ANTXR1: variants seen among roughly 807,000 people sequenced by gnomAD.
ANTXR1 encodes ANTXR cell adhesion molecule 1, also known as anthrax toxin receptor 1.
ANTXR1 carries 19 observed loss-of-function variants against 78.1 expected under a neutral mutation model. The ratio of observed to expected loss-of-function variants is 0.24; its 90% CI spans 0.17 to 0.36. The LOEUF (loss-of-function observed/expected upper bound fraction) is 0.36. Among genes scored for constraint, ANTXR1 ranks in the 10% least tolerant of loss-of-function variants. The pLI is 1.00. For missense variants in ANTXR1, 518 were observed against 718.6 expected (o/e 0.72, Z 3.19); for synonymous variants, 273 against 260.5 (o/e 1.05, Z -0.46).
chr2:69,021,460 G>T (rs2103993102), intron 1 of ANTXR1, among the ~76,000 whole-genome samples: 1 of 152,320 alleles, frequency 6.6e-6, no homozygotes, highest in Non-Finnish European at 1.5e-5. Flanking sequence ...ATAGGAGTCA[G>T]CAGGGCTCTT....
intron 12 of ANTXR1, among the ~76,000 whole-genome samples, chr2:69,138,139 G>C (rs146238496): frequency 1.3e-5 from 2 of 151,874 alleles, no homozygotes; most frequent in African/African-American, 4.8e-5. Context: ...ATTGGTAGAG[G>C]GGGGAAGGAG....
At chr2:69,167,061 G>T (rs571539040) in intron 13 of ANTXR1, among the ~76,000 whole-genome samples, 67 of 152,146 alleles carry the variant, frequency 4.4e-4, no homozygotes, top group Non-Finnish European at 9.3e-4. Context: ...AGGAGGTAGC[G>T]AGCATTTGGG....
chr2:69,018,448 G>T (rs1177918922), intron 1 of ANTXR1, among the ~76,000 whole-genome samples: 1 of 152,154 alleles, frequency 6.6e-6, no homozygotes, highest in Non-Finnish European at 1.5e-5. Flanking sequence ...GTAGCATTAG[G>T]CTGGAAATTT....
chr2:69,102,167 A>G (rs2104317173), intron 9 of ANTXR1, among the ~76,000 whole-genome samples: 1 of 152,376 alleles, frequency 6.6e-6, no homozygotes, highest in Admixed American at 6.5e-5. Context: ...ATTCCTAAGT[A>G]CAATTATTCC....
intron 17 of ANTXR1, among the ~76,000 whole-genome samples, chr2:69,207,851 G>A (rs746678051): frequency 9.9e-5 from 15 of 152,142 alleles, no homozygotes; most frequent in South Asian, 2.1e-4. Context: ...ATTGAGCGAC[G>A]GAACAGATCT....
At chr2:69,102,805 G>T in intron 9 of ANTXR1, 37 bp from the exon 10 acceptor site, 2 of 1,584,786 alleles carry the variant, frequency 1.3e-6, no homozygotes, top group East Asian at 2.2e-5. Context: ...AAGGTTATTG[G>T]CCAAGTAACG....
rs1670919960 is a variant in ANTXR1 at position 69,013,340 on chromosome 2, C to T, written c.-160C>T. On this transcript the variant is annotated 5_prime_UTR_variant, in exon 1 of 18. Transcript: ENST00000303714. This position sits in a 1 kb window ranked among gnomAD's most constrained non-coding sequence, Gnocchi z 5.0. ...TCGGAGCGGAAACCAGAGGGGAAAC[C>T]TTGAACTCCTCCAGACAATTGCTTC... 1.0e-6 allele frequency: 1 copy of T among 999,674 alleles called. No homozygotes were observed. Among genetic ancestry groups the T allele is most frequent in the Non-Finnish European group, 1.5e-6 (1 of 669,168 alleles). 61.9% of individuals were successfully genotyped at this position (999,674 alleles called of 1,614,324 possible). A position where few individuals can be genotyped will look rare whatever the true frequency, so the allele number is the denominator to read the frequency against.
At chr2:69,230,033 A>C (rs1675551433) in intron 17 of ANTXR1, among the ~76,000 whole-genome samples, 1 of 152,208 alleles carries the variant, frequency 6.6e-6, no homozygotes, top group Non-Finnish European at 1.5e-5. Flanking sequence ...CCTCTAAAGT[A>C]TACTACCCAG....
chr2:69,237,150 AG>A (rs1675784908), intron 17 of ANTXR1, among the ~76,000 whole-genome samples: 1 of 152,096 alleles, frequency 6.6e-6, no homozygotes, highest in Non-Finnish European at 1.5e-5. Flanking sequence ...TCATTTTTCT[AG>A]TTTCCTCGTG....
At chr2:69,244,726 G>T (rs1296221665) in intron 17 of ANTXR1, among the ~76,000 whole-genome samples, 2 of 152,314 alleles carry the variant, frequency 1.3e-5, no homozygotes, top group East Asian at 3.9e-4. Context: ...AATTACTTTT[G>T]TTTATGAAAT....
At chr2:69,054,473 A>G (rs1337155660) in intron 3 of ANTXR1, among the ~76,000 whole-genome samples, 1 of 152,122 alleles carries the variant, frequency 6.6e-6, no homozygotes, top group Non-Finnish European at 1.5e-5. Context: ...ACTCCTCACA[A>G]AGAGGTAAAG....
At position 69,197,238 on chromosome 2, in the gene ANTXR1, T is replaced by A. The variant is rs548203961; in HGVS notation, c.1434+3823T>A. On this transcript the variant is annotated intron_variant, in intron 17 of 17. Transcript: ENST00000303714. ...AGTAGCACATCTGATTCTAAGATTG[T>A]TAAAATTTACTAAGCACATGGTGTC... Among the ~76,000 whole-genome samples, 4 of 152,292 alleles carry A rather than the reference T, an allele frequency of 2.6e-5. No individual in the cohort carries two copies. In the South Asian group the frequency reaches 8.3e-4, roughly 32 times the overall value.
intron 10 of ANTXR1, among the ~76,000 whole-genome samples, chr2:69,116,558 G>C (rs1314360359): frequency 6.6e-6 from 1 of 152,098 alleles, no homozygotes; most frequent in African/African-American, 2.4e-5. Flanking sequence ...ATTTGGCTCT[G>C]GAATGCCCTG....
At chr2:69,081,900 A>G (rs1670910400) in intron 8 of ANTXR1, among the ~76,000 whole-genome samples, 1 of 152,216 alleles carries the variant, frequency 6.6e-6, no homozygotes. Flanking sequence ...AGAAATCATT[A>G]CCCCTTTTAT....
intron 16 of ANTXR1, among the ~76,000 whole-genome samples, chr2:69,184,767 C>T (rs570751808): frequency 6.6e-6 from 1 of 152,300 alleles, no homozygotes; most frequent in East Asian, 1.9e-4. Context: ...AGTGAGTATT[C>T]ATTGTGCAGC....
At chr2:69,161,952 C>T (rs537121670) in intron 13 of ANTXR1, among the ~76,000 whole-genome samples, 6 of 152,184 alleles carry the variant, frequency 3.9e-5, no homozygotes, top group African/African-American at 1.2e-4. Flanking sequence ...TCAAAAAAGA[C>T]CTTTGTCATC....
chr2:69,083,354 T>G (rs539062520), intron 8 of ANTXR1, among the ~76,000 whole-genome samples: 38 of 152,308 alleles, frequency 2.5e-4, no homozygotes, highest in African/African-American at 8.4e-4. Flanking sequence ...ATCAGGCTTG[T>G]TGGTCACTGG....
chr2:69,167,025 T>C (rs1673845058), intron 13 of ANTXR1, among the ~76,000 whole-genome samples: 1 of 152,172 alleles, frequency 6.6e-6, no homozygotes, highest in Non-Finnish European at 1.5e-5. Context: ...CACTGGGGAA[T>C]GTGCAGGGCT....
chr2:69,188,016 G>A (rs1265986236), intron 16 of ANTXR1, among the ~76,000 whole-genome samples: 4 of 74,824 alleles, frequency 5.3e-5, no homozygotes, highest in African/African-American at 2.1e-4. Context: ...CAGAAGAAAA[G>A]ATACAACTGC....
Sources: gnomAD v4.1 joint callset for allele counts (sites outside exome capture counted in the v4.1 genomes callset) on GRCh38, gnomAD v4.1.1 for gene constraint, Gnocchi (gnomAD v3.1) non-coding constraint, MANE v1.5 for transcripts, NCBI Gene and HGNC (gene_info 2026-07-23, HGNC 2026-07-21) for gene names.